Variants in SLC6A2 observed in about 807,000 individuals in gnomAD.
SLC6A2 encodes solute carrier family 6 member 2, also known as sodium-dependent noradrenaline transporter.
In SLC6A2, 26 loss-of-function variants were observed where a neutral mutation model predicts 71.7. That is an observed-to-expected ratio of 0.36 (90% CI 0.27 to 0.50). The LOEUF (loss-of-function observed/expected upper bound fraction) is 0.50. SLC6A2 is among the 20% of genes least tolerant of loss of function. The pLI, the probability that SLC6A2 is intolerant of heterozygous loss-of-function variation, is 0.96. For missense variants in SLC6A2, 581 were observed against 803.9 expected (o/e 0.72, Z 3.35); for synonymous variants, 363 against 337.9 (o/e 1.07, Z -0.82).
chr16:55,696,379 G>A, intron 9 of SLC6A2, 42 bp downstream of exon 9: 1 of 1,185,002 alleles, frequency 8.4e-7, no homozygotes, highest in Non-Finnish European at 1.3e-6. Context: ...CATCCCACTG[G>A]GCCTGACCCC....
intron 4 of SLC6A2, among the ~76,000 whole-genome samples, chr16:55,672,967 G>C (rs1596968469): frequency 6.6e-6 from 1 of 152,310 alleles, no homozygotes; most frequent in South Asian, 2.1e-4. Flanking sequence ...CATAACCATG[G>C]TCTGAGTTTG....
At chr16:55,690,882 T>C (rs560101088) in intron 5 of SLC6A2, among the ~76,000 whole-genome samples, 6 of 152,278 alleles carry the variant, frequency 3.9e-5, no homozygotes, top group Non-Finnish European at 8.8e-5. Flanking sequence ...CCCATCCCTG[T>C]CTCTACCTTT....
chr16:55,692,760 A>G (rs1255558402), intron 6 of SLC6A2, among the ~76,000 whole-genome samples: 1 of 152,234 alleles, frequency 6.6e-6, no homozygotes, highest in Admixed American at 6.5e-5. Context: ...TTGAACCCAT[A>G]ATAATCCTGG....
At chr16:55,671,234 G>T (rs1193870136) in intron 3 of SLC6A2, among the ~76,000 whole-genome samples, 1 of 152,206 alleles carries the variant, frequency 6.6e-6, no homozygotes, top group Non-Finnish European at 1.5e-5. Context: ...GCCACTCTGG[G>T]CAGGGAGCTC....
intron 2 of SLC6A2, among the ~76,000 whole-genome samples, chr16:55,664,121 G>T (rs1299035453): frequency 1.3e-5 from 2 of 152,164 alleles, no homozygotes; most frequent in African/African-American, 4.8e-5. Flanking sequence ...ACACGTGGAG[G>T]TTCCTGAGTA....
At chr16:55,659,314 A>G (rs975273757) in intron 2 of SLC6A2, among the ~76,000 whole-genome samples, 5 of 152,196 alleles carry the variant, frequency 3.3e-5, no homozygotes, top group Non-Finnish European at 5.9e-5. Flanking sequence ...TGGATATTCC[A>G]GGGCTTTCAT....
chr16:55,703,205 TC>T lies in SLC6A2; in HGVS notation c.*861del, dbSNP rs1966026403. ...CGGAGCCCAGAAACCCATCTGCACT[TC>T]CTGAGACCTGCCTGGGGAAACGGGG... On this transcript the variant is annotated 3_prime_UTR_variant, in exon 15 of 15. Coordinates refer to ENST00000568943, the MANE Select transcript of SLC6A2 (RefSeq NM_001172501.3). The T allele has an allele frequency of 7.1e-6, 7 of 985,358 alleles. No individual in the cohort carries two copies. Among genetic ancestry groups the T allele is most frequent in the Non-Finnish European group, 8.4e-6 (7 of 829,864 alleles). The allele number at this position is 985,358 out of a possible 1,614,324, so 61.0% of individuals were successfully genotyped here.
intron 4 of SLC6A2, among the ~76,000 whole-genome samples, chr16:55,674,511 G>A (rs1171393197): frequency 6.7e-6 from 1 of 148,990 alleles, no homozygotes; most frequent in Non-Finnish European, 1.5e-5. Flanking sequence ...TGCAACCTCT[G>A]TGTCCCAGGT....
intron 2 of SLC6A2, among the ~76,000 whole-genome samples, chr16:55,658,190 T>C (rs1964510769): frequency 1.3e-5 from 2 of 152,044 alleles, no homozygotes; most frequent in South Asian, 4.2e-4. Context: ...GACACTTGCT[T>C]TGGGACGGGC....
At position 55,700,212 on chromosome 16, in the gene SLC6A2, A is replaced by T. The variant is rs1276244155; in HGVS notation, c.1664A>T (p.Asn555Ile). ...YDDYIFPPWA[N>I]WVGWGIALSS... is the part of the protein sequence containing the mutation. ...GACTACATCTTCCCGCCCTGGGCCA[A>T]CTGGGTGGGGTGGGGCATCGCCCTG... The change falls in exon 13 of 15, where the codon AAC becomes ATC. Residue 555 changes from asparagine to isoleucine, a missense_variant. Asn to Ile is a moderately radical substitution (Grantham distance 149, BLOSUM62 -3). Transcript: ENST00000568943. 6.2e-7 allele frequency: 1 copy of T among 1,613,886 alleles called. No individual in the cohort carries two copies. The highest frequency in any genetic ancestry group is 8.5e-7 in the Non-Finnish European group (1 of 1,179,930).
intron 4 of SLC6A2, among the ~76,000 whole-genome samples, chr16:55,675,591 C>T (rs1479315462): frequency 6.6e-6 from 1 of 152,206 alleles, no homozygotes; most frequent in Non-Finnish European, 1.5e-5. Context: ...AAACTTCCCG[C>T]CATGATAGAA....
intron 4 of SLC6A2, among the ~76,000 whole-genome samples, chr16:55,673,078 T>C (rs1377567148): frequency 6.6e-6 from 1 of 152,228 alleles, no homozygotes; most frequent in Non-Finnish European, 1.5e-5. Flanking sequence ...GGTATTTAGT[T>C]GCCATGTTTC....
intron 2 of SLC6A2, among the ~76,000 whole-genome samples, chr16:55,661,336 A>G (rs1170861384): frequency 1.3e-5 from 2 of 152,204 alleles, no homozygotes; most frequent in Admixed American, 6.5e-5. Flanking sequence ...AACTTTTGCT[A>G]GAAAGGTAAC....
chr16:55,688,001 G>A (rs577621783), intron 5 of SLC6A2, among the ~76,000 whole-genome samples: 49 of 152,300 alleles, frequency 3.2e-4, no homozygotes, highest in South Asian at 4.1e-4. Flanking sequence ...TGTGTCATCC[G>A]AAACCACAGC....
At chr16:55,678,417 C>A (rs1164630746) in intron 4 of SLC6A2, among the ~76,000 whole-genome samples, 4 of 152,060 alleles carry the variant, frequency 2.6e-5, no homozygotes. Flanking sequence ...TAGTGCCAAC[C>A]CTGAGGAAAT....
intron 2 of SLC6A2, among the ~76,000 whole-genome samples, chr16:55,664,185 GT>G (rs555866608): frequency 3.7e-4 from 57 of 152,208 alleles, no homozygotes; most frequent in African/African-American, 1.2e-3. Flanking sequence ...GTCAGCTAAG[GT>G]TTGGCCTGGC....
intron 11 of SLC6A2, 82 bp from the exon 12 acceptor site, chr16:55,699,472 C>G: frequency 5.5e-6 from 6 of 1,099,600 alleles, no homozygotes; most frequent in Non-Finnish European, 8.4e-6. Context: ...CTGCTCTCCA[C>G]CTGGGGCCAG....
chr16:55,702,717 G>C lies in SLC6A2; in HGVS notation c.*371G>C. 1 of 1,085,880 alleles carries C rather than the reference G, an allele frequency of 9.2e-7. No individual in the cohort carries two copies. The highest frequency in any genetic ancestry group is 3.3e-5 in the South Asian group (1 of 29,942). The allele number at this position is 1,085,880 out of a possible 1,614,324, so 67.3% of individuals were successfully genotyped here. On this transcript the variant is annotated 3_prime_UTR_variant, in exon 15 of 15. Coordinates refer to ENST00000568943, the MANE Select transcript of SLC6A2 (RefSeq NM_001172501.3). ...AGTTCTTAGTCCACCAAATCAGAGA[G>C]AGGATGGGCTTTTGATCAGATACCC...
intron 5 of SLC6A2, among the ~76,000 whole-genome samples, chr16:55,691,489 G>A (rs1597002266): frequency 6.6e-6 from 1 of 152,250 alleles, no homozygotes; most frequent in Non-Finnish European, 1.5e-5. Flanking sequence ...TCAATGACAG[G>A]TACCTCACCA....
Sources: allele counts gnomAD v4.1 joint callset (sites outside exome capture counted in the v4.1 genomes callset), GRCh38; gene constraint gnomAD v4.1.1; transcripts MANE v1.5; gene names NCBI Gene and HGNC (gene_info 2026-07-23, HGNC 2026-07-21).